ADARB2: variants seen among roughly 807,000 people sequenced by gnomAD.
ADARB2 encodes adenosine deaminase RNA specific B2 (inactive).
In ADARB2, 25 loss-of-function variants were observed where a neutral mutation model predicts 62.2. The observed-to-expected ratio is 0.40, with a 90% CI of 0.29 to 0.56. The LOEUF (loss-of-function observed/expected upper bound fraction) is 0.56, where lower values mean the gene tolerates loss of function less well. ADARB2 is among the 20% of genes least tolerant of loss of function. The pLI, the probability that ADARB2 is intolerant of heterozygous loss-of-function variation, is 0.43. For synonymous variants in ADARB2, 572 were observed against 500.8 expected, an observed-to-expected ratio of 1.14 and a Z score of -1.90; for missense variants, 1,071 against 1,077.4, an observed-to-expected ratio of 0.99 and a Z score of 0.08.
chr10:1,363,826 C>T lies in ADARB2; in HGVS notation c.279G>A (p.Ala93=), dbSNP rs201398511. The part of the protein sequence containing the change: ...PPSGDRARGG[A]PGAKRKRPLE... ...GCGGCCGCTTCCTCTTCGCGCCGGG[C>T]GCGCCGCCCCGGGCCCGGTCCCCGG... The change falls in exon 3 of 10, where the codon GCG becomes GCA. Residue 93 remains alanine, a synonymous_variant. Coordinates refer to ENST00000381312, the MANE Select transcript of ADARB2 (RefSeq NM_018702.4). 2 of 1,571,838 alleles carry T rather than the reference C, an allele frequency of 1.3e-6. No homozygotes were observed. The highest frequency in any genetic ancestry group is 1.7e-6 in the Non-Finnish European group (2 of 1,166,834).
At chr10:1,508,748 A>G (rs1283090479) in intron 1 of ADARB2, among the ~76,000 whole-genome samples, 3 of 152,132 alleles carry the variant, frequency 2.0e-5, no homozygotes. Flanking sequence ...ACACCACTAC[A>G]CTCCAGCCTG....
intron 1 of ADARB2, among the ~76,000 whole-genome samples, chr10:1,388,169 T>A (rs544041936): frequency 1.3e-5 from 2 of 152,254 alleles, no homozygotes; most frequent in South Asian, 4.1e-4. Flanking sequence ...CTAATTTATC[T>A]ATAGATACAA....
intron 1 of ADARB2, among the ~76,000 whole-genome samples, chr10:1,664,600 T>C (rs1227785443): frequency 6.6e-6 from 1 of 152,224 alleles, no homozygotes; most frequent in Non-Finnish European, 1.5e-5. Context: ...GGCTGTGTGC[T>C]GGGCATCTCT....
Position 1,488,786 on chromosome 10 carries a change from A to G in ADARB2, c.101-109626T>C, listed in dbSNP as rs561935276. 5.8e-4 allele frequency among the ~76,000 whole-genome samples: 88 copies of G among 152,326 alleles called. No individual in the cohort carries two copies. The South Asian group carries it at 0.016, about 27-fold the overall frequency. ...CAATGCTCCCTAACAGCATACGTGT[A>G]TCTGTGTTTCCTCGGGGGAAAACGC... On this transcript the variant is annotated intron_variant, in intron 1 of 9. Coordinates refer to ENST00000381312, the MANE Select transcript of ADARB2 (RefSeq NM_018702.4).
intron 3 of ADARB2, among the ~76,000 whole-genome samples, chr10:1,330,987 AAAG>A (rs1831923441): frequency 6.6e-6 from 1 of 152,252 alleles, no homozygotes; most frequent in African/African-American, 2.4e-5. Context: ...ATATTTCTCC[AAAG>A]AAGACATAGA....
rs770045643 is a variant in ADARB2, at chr10:1,363,066, G to A, written c.1039C>T (p.His347Tyr). 2.1e-5 allele frequency: 31 copies of A among 1,455,656 alleles called. No individual in the cohort carries two copies. Among genetic ancestry groups the A allele is most frequent in the East Asian group, 1.9e-4 (7 of 36,548 alleles). 90.2% of individuals were successfully genotyped at this position (1,455,656 alleles called of 1,614,324 possible). A position where few individuals can be genotyped will look rare whatever the true frequency, so the allele number is the denominator to read the frequency against. ...GTCCTCCTGGCCCTGCCGGGCGCGT[G>A]GCCGGGCATCTGGATGTCGAACAGC... ...QELFDIQMPG[H>Y]APGRARRTPM... Residue 347 changes from histidine to tyrosine, a missense_variant, in exon 3 of 10, where the codon CAC (histidine) becomes TAC (tyrosine). Coordinates refer to ENST00000381312, the MANE Select transcript of ADARB2 (RefSeq NM_018702.4).
intron 1 of ADARB2, among the ~76,000 whole-genome samples, chr10:1,679,006 TCTC>T (rs1834503271): frequency 6.6e-6 from 1 of 152,162 alleles, no homozygotes; most frequent in African/African-American, 2.4e-5. Context: ...GCGAGTGAGT[TCTC>T]CTGTCCTTTC....
chr10:1,379,015 G>C, intron 2 of ADARB2, 59 bp downstream of exon 2: 1 of 1,473,474 alleles, frequency 6.8e-7, no homozygotes. Context: ...GACTGCAGGG[G>C]ACCCCTGCAC....
chr10:1,335,392 AGGG>A (rs1449600671), intron 3 of ADARB2, among the ~76,000 whole-genome samples: 8 of 143,832 alleles, frequency 5.6e-5, no homozygotes, highest in African/African-American at 2.0e-4. Flanking sequence ...AAAAGGATAG[AGGG>A]GTGGATGACG....
intron 1 of ADARB2, among the ~76,000 whole-genome samples, chr10:1,725,575 C>T (rs1835153398): frequency 6.6e-6 from 1 of 151,896 alleles, no homozygotes; most frequent in South Asian, 2.1e-4. Flanking sequence ...CCCCCCACCA[C>T]CCAGAAGAGA....
chr10:1,656,901 G>A (rs1413409317), intron 1 of ADARB2, among the ~76,000 whole-genome samples: 1 of 151,984 alleles, frequency 6.6e-6, no homozygotes, highest in East Asian at 1.9e-4. Flanking sequence ...ATTAGGATGG[G>A]CCAGAAAAAA....
In ADARB2 at chr10:1,596,469, G is replaced by A. The variant is rs139980538; in HGVS notation, c.100+140582C>T. Among the ~76,000 whole-genome samples, 734 of 152,284 alleles carry A rather than the reference G, an allele frequency of 4.8e-3. 7 individuals are homozygous for A. Among genetic ancestry groups the A allele is most frequent in the African/African-American group, 0.017 (689 of 41,560 alleles). The stretch of plus-strand genomic sequence containing the variant: ...AGCTAGGAGAATAAAGTCCGGCACC[G>A]GGAGAGAAATGTCACTTAACAAATA... On this transcript the variant is annotated intron_variant, in intron 1 of 9. Transcript: ENST00000381312.
chr10:1,568,307 A>G (rs545674181), intron 1 of ADARB2, among the ~76,000 whole-genome samples: 1 of 152,152 alleles, frequency 6.6e-6, no homozygotes, highest in East Asian at 1.9e-4. Flanking sequence ...GGGGAGGCGG[A>G]GGGAAGGAAG....
At chr10:1,678,336 G>A (rs1233639631) in intron 1 of ADARB2, 4 of 984,686 alleles carry the variant, frequency 4.1e-6, no homozygotes, top group African/African-American at 1.8e-5. Flanking sequence ...GAACATCCTC[G>A]GGGTGAGGGA....
At chr10:1,533,345 G>A (rs187561813) in intron 1 of ADARB2, among the ~76,000 whole-genome samples, 3 of 151,742 alleles carry the variant, frequency 2.0e-5, no homozygotes, top group African/African-American at 7.3e-5. Flanking sequence ...GGCCAGGCTG[G>A]TCTCAAACTC....
rs539961054 is a variant in ADARB2 at position 1,648,865 on chromosome 10, C to T, written c.100+88186G>A. On this transcript the variant is annotated intron_variant, in intron 1 of 9. Coordinates refer to ENST00000381312, the MANE Select transcript of ADARB2 (RefSeq NM_018702.4). The stretch of plus-strand genomic sequence containing the variant: ...AGCACCACTGTTCTCGAGGGGCAGT[C>T]TCTAGCTCCTCATCTTACAAGGGCA... 3.0e-3 allele frequency among the ~76,000 whole-genome samples: 457 copies of T among 152,278 alleles called. 4 individuals carry two copies. Among genetic ancestry groups the T allele is most frequent in the Non-Finnish European group, 3.9e-3 (266 of 68,030 alleles).
intron 3 of ADARB2, among the ~76,000 whole-genome samples, chr10:1,312,545 G>A (rs978075047): frequency 6.6e-6 from 1 of 152,240 alleles, no homozygotes; most frequent in Non-Finnish European, 1.5e-5. Flanking sequence ...ATTGTGAAGA[G>A]AGCCAAGTTT....
intron 3 of ADARB2, among the ~76,000 whole-genome samples, chr10:1,302,718 C>A (rs1324128387): frequency 3.5e-3 from 405 of 116,914 alleles, no homozygotes; most frequent in Middle Eastern, 9.6e-3. Context: ...GGGTCCCTGA[C>A]CCCTGACCCC....
At chr10:1,346,842 AAAT>A (rs1421807249) in intron 3 of ADARB2, among the ~76,000 whole-genome samples, 3 of 152,222 alleles carry the variant, frequency 2.0e-5, no homozygotes, top group Non-Finnish European at 2.9e-5. Context: ...ATTTAATGGA[AAAT>A]ACTACAGGAG....
Sources: allele counts gnomAD v4.1 joint callset (sites outside exome capture counted in the v4.1 genomes callset), GRCh38; gene constraint gnomAD v4.1.1; transcripts MANE v1.5; gene names NCBI Gene and HGNC (gene_info 2026-07-23, HGNC 2026-07-21).